Variants in CR1L observed in about 807,000 individuals in gnomAD.
CR1L encodes the protein complement C3b/C4b receptor 1 like.
Under a neutral mutation model 62.3 loss-of-function variants are expected in CR1L, and 59 were observed. The observed-to-expected ratio is 0.95, with a 90% CI of 0.77 to 1.18. CR1L has a LOEUF of 1.18. CR1L is among the 50% of genes most tolerant of loss of function. The pLI is 0.00. For missense variants in CR1L, 700 were observed against 702.8 expected, an observed-to-expected ratio of 1.00 and a Z score of 0.04; for synonymous variants, 279 against 248.7, an observed-to-expected ratio of 1.12 and a Z score of -1.15.
At chr1:207,683,056 TTC>T (rs1663830018) in intron 3 of CR1L, among the ~76,000 whole-genome samples, 1 of 146,854 alleles carries the variant, frequency 6.8e-6, no homozygotes, top group African/African-American at 2.5e-5. Context: ...CCTTCCTTCC[TTC>T]TTTCTTTCTT....
At position 207,706,037 on chromosome 1, in the gene CR1L, ATATATAT is replaced by A. The variant is rs1558024083; in HGVS notation, c.1329-2140_1329-2134del. On this transcript the variant is annotated intron_variant, in intron 9 of 11. Transcript: ENST00000508064. The stretch of plus-strand genomic sequence containing the variant: ...TGTATATATATATATATATATATAT[ATATATAT>A]AAAACACTGAATATTGCAGAAAATT... Among the ~76,000 whole-genome samples the A allele has an allele frequency of 1.7e-3, 249 of 147,922 alleles. 1 individual carries two copies. Among genetic ancestry groups the A allele is most frequent in the African/African-American group, 5.8e-3 (238 of 40,810 alleles).
chr1:207,723,588 A>T (rs1654185076), intron 11 of CR1L, 30 bp from the exon 12 acceptor site: 1 of 1,538,252 alleles, frequency 6.5e-7, no homozygotes, highest in Non-Finnish European at 8.9e-7. Flanking sequence ...TGCCAGAGTG[A>T]TGTTTTTGTG....
chr1:207,657,586 C>A (rs79872673), intron 1 of CR1L, among the ~76,000 whole-genome samples: 5,885 of 151,062 alleles, frequency 0.039, 178 homozygotes, highest in South Asian at 0.12. Context: ...GTTTGAAAGA[C>A]CAAAAAAAAT....
At chr1:207,657,136 A>G in intron 1 of CR1L, 1 of 797,058 alleles carries the variant, frequency 1.3e-6, no homozygotes, top group East Asian at 2.5e-5. Flanking sequence ...TTTTGTGCAC[A>G]TGACCTCCAA....
At position 207,708,225 on chromosome 1, in the gene CR1L, A is replaced by G. The variant is rs766567467; in HGVS notation, c.1376A>G (p.Asn459Ser). ...HSSAECILSG[N>S]TAHWSMKPPI... ...TCTGCTGAATGTATCCTCTCGGGCA[A>G]TACTGCCCATTGGAGCATGAAGCCA... Residue 459 changes from asparagine to serine, a missense_variant, in exon 10 of 12, where the codon AAT (asparagine) becomes AGT (serine). Transcript: ENST00000508064. 3.1e-6 allele frequency: 5 copies of G among 1,611,494 alleles called. No homozygotes were observed. The East Asian group carries it at 8.9e-5, about 29-fold the overall frequency.
At chr1:207,667,513 A>T (rs1179446696) in intron 1 of CR1L, among the ~76,000 whole-genome samples, 1 of 152,220 alleles carries the variant, frequency 6.6e-6, no homozygotes, top group Non-Finnish European at 1.5e-5. Flanking sequence ...TACTCTTTCC[A>T]TCTCAATATC....
intron 1 of CR1L, among the ~76,000 whole-genome samples, chr1:207,676,840 G>C (rs1278556139): frequency 1.3e-5 from 2 of 152,066 alleles, no homozygotes; most frequent in Non-Finnish European, 2.9e-5. Flanking sequence ...ATTTTTAGTA[G>C]AGACGGGGTT....
In CR1L at chr1:207,694,636, C is replaced by A; in HGVS notation, c.747C>A (p.Ser249=). 1 of 1,611,818 alleles carries A rather than the reference C, an allele frequency of 6.2e-7. No individual in the cohort carries two copies. The highest frequency in any genetic ancestry group is 2.2e-5 in the East Asian group (1 of 44,890). ...TATCTGACAACAGAAGCTTATTTTC[C>A]TTAAATGAAGTTGTGGAGTTTAGGT... ...ILVSDNRSLF[S]LNEVVEFRCQ... is the part of the protein sequence containing the mutation. The change falls in exon 5 of 12, where the codon TCC becomes TCA. Residue 249 remains serine (S), a synonymous_variant. Transcript: ENST00000508064.
chr1:207,673,317 T>TTA (rs58870963), intron 1 of CR1L, among the ~76,000 whole-genome samples: 64,147 of 151,930 alleles, frequency 0.42, 13,743 homozygotes, highest in Non-Finnish European at 0.46. Context: ...GGCATATAAT[T>TTA]TATATTTGTG....
intron 1 of CR1L, among the ~76,000 whole-genome samples, chr1:207,656,042 T>C (rs1663305195): frequency 6.6e-6 from 1 of 152,088 alleles, no homozygotes; most frequent in South Asian, 2.1e-4. Context: ...ATCCAGACCA[T>C]CCTGTCTAAT....
At chr1:207,699,608 A>G (rs1353512020) in intron 8 of CR1L, among the ~76,000 whole-genome samples, 1 of 151,616 alleles carries the variant, frequency 6.6e-6, no homozygotes, top group African/African-American at 2.4e-5. Context: ...TCCTTCCTTC[A>G]GTTCTTTTTT....
In CR1L at chr1:207,694,542, G is replaced by A. The variant is rs371067212; in HGVS notation, c.653G>A (p.Ser218Asn). Residue 218 changes from serine (S) to asparagine (N), a missense_variant, in exon 5 of 12, where the codon AGT becomes AAT. By Grantham distance (46) the Ser-to-Asn change is conservative. Coordinates refer to ENST00000508064, the MANE Select transcript of CR1L (RefSeq NM_175710.2). Reference sequence around the variant, plus strand: ...AAAGATGATCAAGTGGGCATCTGGAGTGGCCCAGCCCCTCAGTGCATTATA... The same window carrying A: ...AAAGATGATCAAGTGGGCATCTGGAATGGCCCAGCCCCTCAGTGCATTATA... ...TSKDDQVGIW[S>N]GPAPQCIIPN... 4.3e-6 allele frequency: 7 copies of A among 1,612,772 alleles called. No individual in the cohort carries two copies. The African/African-American group carries it at 6.7e-5, about 15-fold the overall frequency.
intron 1 of CR1L, among the ~76,000 whole-genome samples, chr1:207,664,996 GATTT>G (rs1663492390): frequency 6.6e-6 from 1 of 152,182 alleles, no homozygotes; most frequent in Non-Finnish European, 1.5e-5. Context: ...TTACTTTTAT[GATTT>G]ATTACTTGTT....
intron 1 of CR1L, among the ~76,000 whole-genome samples, chr1:207,660,131 A>C (rs992371820): frequency 7.9e-5 from 12 of 152,226 alleles, no homozygotes; most frequent in African/African-American, 1.9e-4. Flanking sequence ...GCTTCTGCAC[A>C]CTTAAACGTC....
chr1:207,707,220 T>C (rs80157157), intron 9 of CR1L, among the ~76,000 whole-genome samples: 3,489 of 152,328 alleles, frequency 0.023, 136 homozygotes, highest in African/African-American at 0.078. Context: ...AGGAATGCAT[T>C]TGTCTCTGTC....
At chr1:207,648,927 T>C (rs969794035) in intron 1 of CR1L, among the ~76,000 whole-genome samples, 1 of 152,148 alleles carries the variant, frequency 6.6e-6, no homozygotes, top group African/African-American at 2.4e-5. Flanking sequence ...ATTCTTCACA[T>C]TGTTTTGTGT....
chr1:207,687,411 G>T (rs1274357908), intron 4 of CR1L, among the ~76,000 whole-genome samples: 1 of 152,120 alleles, frequency 6.6e-6, no homozygotes, highest in African/African-American at 2.4e-5. Context: ...TAATTATGCA[G>T]TTCAGTAGAT....
chr1:207,669,932 C>T (rs1193843721), intron 1 of CR1L, among the ~76,000 whole-genome samples: 1 of 151,088 alleles, frequency 6.6e-6, no homozygotes, highest in African/African-American at 2.5e-5. Context: ...ACTTGGGGAT[C>T]CGACAAACCT....
chr1:207,694,140 T>A (rs1299455032), intron 4 of CR1L, among the ~76,000 whole-genome samples: 2 of 152,218 alleles, frequency 1.3e-5, no homozygotes, highest in Non-Finnish European at 2.9e-5. Flanking sequence ...TGGATGGAGT[T>A]AATAAATGCA....
Sources: gnomAD v4.1 joint callset for allele counts (sites outside exome capture counted in the v4.1 genomes callset) on GRCh38, gnomAD v4.1.1 for gene constraint, MANE v1.5 for transcripts, NCBI Gene and HGNC (gene_info 2026-07-23, HGNC 2026-07-21) for gene names.